Variants in ODF2 observed in about 807,000 individuals in gnomAD.
ODF2 encodes the protein outer dense fiber of sperm tails 2.
Under a neutral mutation model 110.2 loss-of-function variants are expected in ODF2, and 47 were observed. That is an observed-to-expected ratio of 0.43 (90% confidence interval 0.34 to 0.54). The LOEUF is 0.54. ODF2 is among the 20% of genes least tolerant of loss of function. The probability of loss-of-function intolerance (pLI) is 0.03; values close to 1 mark genes in which losing one functional copy is unlikely to be tolerated. For synonymous variants in ODF2, 352 were observed against 397.7 expected, an observed-to-expected ratio of 0.89 and a Z score of 1.37; for missense variants, 812 against 1,054.5, an observed-to-expected ratio of 0.77 and a Z score of 3.19.
chr9:128,481,512 T>A (rs1842395537), intron 8 of ODF2, 68 bp from the exon 9 acceptor site: 4 of 1,197,150 alleles, frequency 3.3e-6, no homozygotes, highest in East Asian at 4.8e-5. Flanking sequence ...AGGTAAAGAA[T>A]CAATAAAATG....
chr9:128,471,137 C>T (rs1160481078), intron 5 of ODF2, among the ~76,000 whole-genome samples, 171 bp from the exon 6 acceptor site: 2 of 152,168 alleles, frequency 1.3e-5, no homozygotes, highest in Non-Finnish European at 2.9e-5. Flanking sequence ...TGGTCTCGAA[C>T]TCCTGACCAA....
chr9:128,473,047 G>C lies in ODF2; in HGVS notation c.711+5G>C. ...ACCATCGGGAAGCTGAAAACAGTAG[G>C]TGGCAGGTGGCAGGACCCCAGCCAT... On this transcript the variant is annotated splice_donor_5th_base_variant and intron_variant, in intron 7 of 20. Coordinates refer to ENST00000604420, the Ensembl canonical transcript of ODF2. The C allele has an allele frequency of 7.4e-6, 12 of 1,613,832 alleles. No homozygotes were observed. Among genetic ancestry groups the C allele is most frequent in the Non-Finnish European group, 1.0e-5 (12 of 1,179,828 alleles).
In ODF2 at chr9:128,488,050, G is replaced by A. The variant is rs745393280; in HGVS notation, c.1536+25G>A. ...GGTTCGCAGTGAGAGCTGGGGACCA[G>A]GCAGCTGGATGGGGCCCAGCGAGCT... On this transcript the variant is annotated intron_variant, in intron 14 of 20. Transcript: ENST00000604420. 2.7e-5 allele frequency: 44 copies of A among 1,612,840 alleles called. No individual in the cohort carries two copies. The East Asian group carries it at 9.8e-4, about 36-fold the overall frequency.
intron 11 of ODF2, 123 bp from the exon 12 acceptor site, chr9:128,484,578 T>C: frequency 2.8e-6 from 3 of 1,072,574 alleles, no homozygotes; most frequent in South Asian, 1.6e-5. Context: ...CACTTTTTTC[T>C]GTCTTCCTCG....
chr9:128,491,866 CT>C lies in ODF2; in HGVS notation c.1537-542del, dbSNP rs753406341. ...TGTGTCTTGGTTTTATCCCCATTTT[CT>C]TTTTTTTTTTTTTTTTTGAGACGGA... On this transcript the variant is annotated intron_variant, in intron 14 of 20. Transcript: ENST00000604420. Among the ~76,000 whole-genome samples the C allele has an allele frequency of 5.7e-3, 750 of 130,948 alleles. 7 individuals carry two copies. The highest frequency in any genetic ancestry group is 0.017 in the African/African-American group (622 of 36,318). The allele number at this position is 130,948 out of a possible 152,430, so 85.9% of individuals were successfully genotyped here.
upstream of ODF2, chr9:128,455,899 C>G (rs1588652734): frequency 6.1e-6 from 8 of 1,305,300 alleles, no homozygotes; most frequent in East Asian, 5.6e-5. Flanking sequence ...GAAACAGGGC[C>G]GAGCGGGAAA....
intron 5 of ODF2, among the ~76,000 whole-genome samples, chr9:128,470,582 C>T (rs149153749): frequency 6.7e-4 from 101 of 151,720 alleles, no homozygotes; most frequent in African/African-American, 2.0e-3. Flanking sequence ...GAGATCGTAC[C>T]GCTGCACTCC....
At position 128,482,896 on chromosome 9, in the gene ODF2, CTTT is replaced by C. The variant is rs11290748; in HGVS notation, c.987+26_987+28del. On this transcript the variant is annotated intron_variant, in intron 10 of 20. Transcript: ENST00000604420. Reference sequence around the variant, plus strand: ...AAATACAATGTGAGAAGGTAGTGTGCTTTTTTTTTTTTTTTTTTTAGACGGAGT... The same window carrying C: ...AAATACAATGTGAGAAGGTAGTGTGCTTTTTTTTTTTTTTTTAGACGGAGT... The C allele has an allele frequency of 0.034, 43,406 of 1,268,220 alleles. No homozygotes were observed. Among genetic ancestry groups the C allele is most frequent in the Non-Finnish European group, 0.037 (34,625 of 946,522 alleles). 78.6% of individuals were successfully genotyped at this position (1,268,220 alleles called of 1,614,324 possible).
At chr9:128,481,811 G>A (rs983409528) in intron 9 of ODF2, among the ~76,000 whole-genome samples, 160 bp downstream of exon 9, 1 of 151,924 alleles carries the variant, frequency 6.6e-6, no homozygotes, top group East Asian at 1.9e-4. Flanking sequence ...CTCCTGTCAC[G>A]CTTGTTCTGA....
chr9:128,455,935 G>T (rs940358366), upstream of ODF2: 3 of 1,401,832 alleles, frequency 2.1e-6, no homozygotes, highest in Admixed American at 3.1e-5. Context: ...GCGAGACCCG[G>T]CCAGGCCCGC....
intron 3 of ODF2, 37 bp from the exon 4 acceptor site, chr9:128,460,905 G>T (rs752436781): frequency 1.2e-6 from 2 of 1,613,698 alleles, no homozygotes; most frequent in South Asian, 1.1e-5. Flanking sequence ...TGGCCAGCTG[G>T]GTGTGGAAGT....
At chr9:128,490,849 C>T (rs749312948) in intron 14 of ODF2, among the ~76,000 whole-genome samples, 1 of 152,106 alleles carries the variant, frequency 6.6e-6, no homozygotes, top group Non-Finnish European at 1.5e-5. Flanking sequence ...CTACTAGTTA[C>T]TTTATTCATT....
intron 6 of ODF2, among the ~76,000 whole-genome samples, chr9:128,472,095 A>G (rs531257204): frequency 2.8e-4 from 43 of 152,280 alleles, no homozygotes; most frequent in African/African-American, 1.0e-3. Flanking sequence ...CCTGGCCAAC[A>G]TGGTGAAACC....
intron 16 of ODF2, among the ~76,000 whole-genome samples, chr9:128,493,847 T>C (rs971312668): frequency 3.3e-5 from 5 of 152,138 alleles, no homozygotes; most frequent in African/African-American, 1.2e-4. Flanking sequence ...CAGGCTGGAG[T>C]GCAGTGGTGT....
At chr9:128,460,735 C>T (rs576162244) in intron 3 of ODF2, 69 bp downstream of exon 3, 107 of 1,584,646 alleles carry the variant, frequency 6.8e-5, no homozygotes, top group Middle Eastern at 5.0e-4. Context: ...CCAGCCTCCT[C>T]GCACTCTGAC....
chr9:128,491,353 T>G (rs1020422018), intron 14 of ODF2, among the ~76,000 whole-genome samples: 1 of 150,858 alleles, frequency 6.6e-6, no homozygotes, highest in Non-Finnish European at 1.5e-5. Context: ...CACAACATAT[T>G]GTTAATTTTA....
chr9:128,471,219 C>G, intron 5 of ODF2, 89 bp from the exon 6 acceptor site: 1 of 1,377,594 alleles, frequency 7.3e-7, no homozygotes, highest in Non-Finnish European at 9.8e-7. Context: ...CGGCCGGGGC[C>G]TTATTTTGGT....
chr9:128,455,738 C>T (rs1443002767), upstream of ODF2, among the ~76,000 whole-genome samples: 7 of 152,074 alleles, frequency 4.6e-5, no homozygotes. Flanking sequence ...GGACTAGGGG[C>T]AGGGCTGGAT....
intron 4 of ODF2, among the ~76,000 whole-genome samples, chr9:128,467,527 C>T (rs576479174): frequency 6.6e-5 from 10 of 151,972 alleles, no homozygotes; most frequent in African/African-American, 2.4e-4. Context: ...GGCTTATCAC[C>T]TGAGGTCAGG....
Sources: gnomAD v4.1 joint callset for allele counts (sites outside exome capture counted in the v4.1 genomes callset) on GRCh38, gnomAD v4.1.1 for gene constraint, MANE v1.5 for transcripts, NCBI Gene and HGNC (gene_info 2026-07-23, HGNC 2026-07-21) for gene names.